Variants in NBAS observed in about 807,000 individuals in gnomAD.
NBAS encodes the protein NAG/BC035112 fusion.
Under a neutral mutation model 302.5 loss-of-function variants are expected in NBAS, and 219 were observed. The ratio of observed to expected loss-of-function variants is 0.72; its 90% CI spans 0.65 to 0.81. The LOEUF (loss-of-function observed/expected upper bound fraction) is 0.81. Ranked by LOEUF, NBAS falls within the 30% of genes least tolerant of loss-of-function variation. The pLI, the probability that NBAS is intolerant of heterozygous loss-of-function variation, is 0.00. For missense variants in NBAS, 2,932 were observed against 2,841.6 expected, an observed-to-expected ratio of 1.03 and a Z score of -0.72; for synonymous variants, 1,118 against 1,021.6, an observed-to-expected ratio of 1.09 and a Z score of -1.80.
At chr2:15,270,847 G>A (rs568539740) in intron 44 of NBAS, among the ~76,000 whole-genome samples, 4 of 152,200 alleles carry the variant, frequency 2.6e-5, no homozygotes, top group East Asian at 3.9e-4. Context: ...ATGGCACATA[G>A]CAAATGCCTA....
the NBAS span, among the ~76,000 whole-genome samples, chr2:15,087,318 C>T: frequency 6.6e-6 from 1 of 151,924 alleles, no homozygotes; most frequent in Non-Finnish European, 1.5e-5. Flanking sequence ...TGTTCTCATC[C>T]ATTTATTAAA....
At chr2:15,323,353 GT>G in intron 38 of NBAS, among the ~76,000 whole-genome samples, 1 of 152,178 alleles carries the variant, frequency 6.6e-6, no homozygotes, top group Non-Finnish European at 1.5e-5. Context: ...GGTACTCAGA[GT>G]TTGAGCCTTA....
the NBAS span, among the ~76,000 whole-genome samples, chr2:15,109,919 G>T: frequency 8.5e-5 from 13 of 152,154 alleles, no homozygotes; most frequent in Middle Eastern, 0.014. Context: ...AGTGTTTATT[G>T]TCCATTCAAT....
At chr2:15,376,283 G>A (rs1674732919) in intron 30 of NBAS, among the ~76,000 whole-genome samples, 1 of 151,954 alleles carries the variant, frequency 6.6e-6, no homozygotes, top group Non-Finnish European at 1.5e-5. Flanking sequence ...ATACACACAG[G>A]GCATGTTTGT....
At chr2:14,784,693 C>A in the NBAS span, among the ~76,000 whole-genome samples, 2 of 152,096 alleles carry the variant, frequency 1.3e-5, no homozygotes, top group Admixed American at 6.6e-5. Context: ...TGTTTTGGTA[C>A]CAGTACCATG....
chr2:14,998,246 TA>T, the NBAS span, among the ~76,000 whole-genome samples: 7 of 151,958 alleles, frequency 4.6e-5, no homozygotes, highest in Non-Finnish European at 1.0e-4. Context: ...TTTCAAAACA[TA>T]AAAAAAAGAA....
At chr2:15,171,439 G>T (rs1222298728) in intron 51 of NBAS, among the ~76,000 whole-genome samples, 1 of 152,084 alleles carries the variant, frequency 6.6e-6, no homozygotes, top group Non-Finnish European at 1.5e-5. Context: ...TTTTTAAATT[G>T]TTTTTTACAT....
the NBAS span, among the ~76,000 whole-genome samples, chr2:14,853,066 C>A: frequency 1.3e-4 from 18 of 143,336 alleles, no homozygotes; most frequent in African/African-American, 4.2e-4. Flanking sequence ...CCAAAATTGA[C>A]AAATGGGATC....
rs374278594 is a variant in NBAS at position 15,353,528 on chromosome 2, G to C, written c.4089+25C>G. 1,095 of 1,613,604 alleles carry C rather than the reference G, an allele frequency of 6.8e-4. 1 individual carries two copies. The highest frequency in any genetic ancestry group is 8.7e-4 in the Admixed American group (52 of 60,014). Reference sequence around the variant, plus strand: ...AACAACATGGACGTCATACAGGTTAGGATTTCCTTTATCGAAGGACTTACT... The same window carrying C: ...AACAACATGGACGTCATACAGGTTACGATTTCCTTTATCGAAGGACTTACT... On this transcript the variant is annotated intron_variant, in intron 34 of 51. Coordinates refer to ENST00000281513, the MANE Select transcript of NBAS (RefSeq NM_015909.4).
the NBAS span, among the ~76,000 whole-genome samples, chr2:14,970,256 T>C: frequency 6.6e-6 from 1 of 152,170 alleles, no homozygotes; most frequent in Non-Finnish European, 1.5e-5. Flanking sequence ...ATATTTCTTA[T>C]AAAAAACAAC....
At chr2:15,220,691 A>G (rs1381090379) in intron 47 of NBAS, among the ~76,000 whole-genome samples, 1 of 152,194 alleles carries the variant, frequency 6.6e-6, no homozygotes, top group African/African-American at 2.4e-5. Flanking sequence ...TTATCCATAC[A>G]GGAGACTCAC....
chr2:15,234,504 T>C (rs971351377), intron 46 of NBAS, 41 bp downstream of exon 46: 5 of 1,595,512 alleles, frequency 3.1e-6, no homozygotes, highest in Admixed American at 1.7e-5. Context: ...ACTGACAAAG[T>C]GTCACCCCAG....
chr2:14,823,741 C>G, the NBAS span, among the ~76,000 whole-genome samples: 2 of 152,000 alleles, frequency 1.3e-5, no homozygotes, highest in African/African-American at 4.8e-5. Context: ...CTTTTTTTTC[C>G]TAATAAATGC....
chr2:15,151,165 A>T, the NBAS span, among the ~76,000 whole-genome samples: 8 of 152,174 alleles, frequency 5.3e-5, no homozygotes, highest in Non-Finnish European at 4.4e-5. Flanking sequence ...TCCAGGATAT[A>T]TTTTTATCTG....
the NBAS span, among the ~76,000 whole-genome samples, chr2:15,028,038 T>C: frequency 6.6e-6 from 1 of 152,244 alleles, no homozygotes; most frequent in Non-Finnish European, 1.5e-5. Flanking sequence ...TATTGACTAA[T>C]ATTTAGAAAT....
the NBAS span, among the ~76,000 whole-genome samples, chr2:14,783,000 A>T: frequency 6.6e-6 from 1 of 152,134 alleles, no homozygotes; most frequent in African/African-American, 2.4e-5. Context: ...AAAAATTGCC[A>T]TTGGGTACAA....
chr2:14,990,519 T>C, the NBAS span, among the ~76,000 whole-genome samples: 1 of 152,192 alleles, frequency 6.6e-6, no homozygotes, highest in Admixed American at 6.5e-5. Flanking sequence ...CGGTTAAAAA[T>C]AATAATAATA....
chr2:15,098,731 A>T, the NBAS span, among the ~76,000 whole-genome samples: 4 of 139,950 alleles, frequency 2.9e-5, no homozygotes, highest in Non-Finnish European at 6.1e-5. Context: ...TATATTATAT[A>T]TTAGGAGTCA....
intron 17 of NBAS, 22 bp downstream of exon 17, chr2:15,468,360 T>C (rs1024138873): frequency 2.5e-6 from 4 of 1,613,678 alleles, no homozygotes; most frequent in Non-Finnish European, 3.4e-6. Flanking sequence ...TTACTTTGAA[T>C]CCAATTCTTT....
Sources: gnomAD v4.1 joint callset for allele counts (sites outside exome capture counted in the v4.1 genomes callset) on GRCh38, gnomAD v4.1.1 for gene constraint, MANE v1.5 for transcripts, NCBI Gene and HGNC (gene_info 2026-07-23, HGNC 2026-07-21) for gene names.